OTC: variants seen among roughly 807,000 people sequenced by gnomAD.
The protein encoded by OTC is ornithine transcarbamylase.
Under a neutral mutation model 30.3 loss-of-function variants are expected in OTC, and 3 were observed. The observed-to-expected ratio is 0.10, with a 90% confidence interval of 0.05 to 0.26. The LOEUF is 0.26. Among genes scored for constraint, OTC ranks in the 10% least tolerant of loss-of-function variants. OTC has a pLI of 1.00. For missense variants in OTC, 194 were observed against 260.3 expected (o/e 0.75, Z 1.75); for synonymous variants, 111 against 99.7 (o/e 1.11, Z -0.67).
At chrX:38,365,953 G>A (rs1173655081) in intron 1 of OTC, among the ~76,000 whole-genome samples, 2 of 112,324 alleles carry the variant, frequency 1.8e-5, no homozygotes, top group Non-Finnish European at 3.8e-5. Context: ...TCCCTTGGAT[G>A]CCAGAGGAAA....
intron 1 of OTC, among the ~76,000 whole-genome samples, chrX:38,354,059 T>G (rs759557886): frequency 8.9e-6 from 1 of 112,156 alleles, no homozygotes; most frequent in South Asian, 3.7e-4. Context: ...TCTGCAATGT[T>G]GTTTCACCTA....
At chrX:38,413,458 T>C (rs929781431) in intron 9 of OTC, among the ~76,000 whole-genome samples, 1 of 111,241 alleles carries the variant, frequency 9.0e-6, no homozygotes, top group Non-Finnish European at 1.9e-5. Context: ...AAATTTGTCA[T>C]ATCTAATAAC....
At chrX:38,402,186 A>C (rs905505857) in intron 5 of OTC, among the ~76,000 whole-genome samples, 3 of 112,426 alleles carry the variant, frequency 2.7e-5, no homozygotes, top group Non-Finnish European at 5.6e-5. Flanking sequence ...GGACATGAGG[A>C]TGAGATCCAT....
At chrX:38,362,500 A>G (rs1034440984) in intron 1 of OTC, among the ~76,000 whole-genome samples, 2 of 112,046 alleles carry the variant, frequency 1.8e-5, no homozygotes, top group African/African-American at 6.5e-5. Context: ...ATATTGAAAT[A>G]AAGTTTCTGT....
the OTC span, among the ~76,000 whole-genome samples, chrX:38,328,900 A>T: frequency 9.0e-6 from 1 of 111,699 alleles, no homozygotes; most frequent in African/African-American, 3.3e-5. Context: ...AGGTCTTAGA[A>T]TCAACAGGAA....
At chrX:38,388,742 A>T (rs2068417303) in intron 4 of OTC, among the ~76,000 whole-genome samples, 1 of 112,168 alleles carries the variant, frequency 8.9e-6, no homozygotes, top group South Asian at 3.7e-4. Context: ...CTCCATATAA[A>T]ACCAAATAAT....
chrX:38,358,746 C>T lies in OTC; in HGVS notation c.77+5973C>T, dbSNP rs1048685498. Among the ~76,000 whole-genome samples the T allele has an allele frequency of 1.3e-4, 14 of 108,251 alleles. No individual in the cohort carries two copies. In the East Asian group the frequency reaches 4.0e-3, roughly 31 times the overall value. The allele number at this position is 108,251 out of a possible 115,157, so 94.0% of individuals were successfully genotyped here. A position where few individuals can be genotyped will look rare whatever the true frequency, so the allele number is the denominator to read the frequency against. ...AAGTGATTCTCCTGCCTCAGCCTCC[C>T]GAGTAGCTGGGATTACAGACGTCTG... On this transcript the variant is annotated intron_variant, in intron 1 of 9. Coordinates refer to ENST00000039007, the MANE Select transcript of OTC (RefSeq NM_000531.6).
At chrX:38,329,039 A>G in the OTC span, among the ~76,000 whole-genome samples, 10 of 112,649 alleles carry the variant, frequency 8.9e-5, no homozygotes, top group East Asian at 2.5e-3. Flanking sequence ...CATAATTGTT[A>G]CTACGGGCAA....
intron 9 of OTC, among the ~76,000 whole-genome samples, chrX:38,415,415 G>T (rs915143947): frequency 1.8e-5 from 2 of 111,131 alleles, no homozygotes; most frequent in African/African-American, 6.5e-5. Flanking sequence ...ATTTAGAATG[G>T]CCTTTAGGTT....
the OTC span, among the ~76,000 whole-genome samples, chrX:38,343,346 AAC>A: frequency 1.8e-5 from 2 of 111,880 alleles, no homozygotes; most frequent in Non-Finnish European, 3.8e-5. Flanking sequence ...TCAGTCTGCT[AAC>A]AAATCTCCTT....
chrX:38,393,657 T>C (rs1279491056), intron 4 of OTC, among the ~76,000 whole-genome samples: 1 of 112,516 alleles, frequency 8.9e-6, no homozygotes, highest in African/African-American at 3.2e-5. Context: ...TAAACTCAAG[T>C]TGCTGGCCAC....
intron 4 of OTC, among the ~76,000 whole-genome samples, chrX:38,386,282 A>C (rs2147333267): frequency 9.2e-6 from 1 of 108,140 alleles, no homozygotes; most frequent in South Asian, 4.1e-4. Flanking sequence ...CAGAGGCAGG[A>C]GAATCGCTTG....
At chrX:38,419,276 G>T (rs1189280626) in intron 9 of OTC, among the ~76,000 whole-genome samples, 1 of 111,854 alleles carries the variant, frequency 8.9e-6, no homozygotes, top group African/African-American at 3.2e-5. Flanking sequence ...GTGTGATGCT[G>T]CCAGCTTTCT....
chrX:38,360,985 A>G (rs1446945737), intron 1 of OTC, among the ~76,000 whole-genome samples: 1 of 111,910 alleles, frequency 8.9e-6, no homozygotes, highest in Non-Finnish European at 1.9e-5. Context: ...CCAGTGATAA[A>G]CCCATGGGCA....
chrX:38,336,685 G>A, the OTC span, among the ~76,000 whole-genome samples: 2 of 110,268 alleles, frequency 1.8e-5, no homozygotes, highest in Admixed American at 9.8e-5. Context: ...AAAGTCCTAG[G>A]TGGGAGTATT....
At chrX:38,396,334 T>C (rs2068456885) in intron 4 of OTC, among the ~76,000 whole-genome samples, 2 of 111,638 alleles carry the variant, frequency 1.8e-5, no homozygotes, top group Admixed American at 1.9e-4. Flanking sequence ...AGCACATGAC[T>C]CATTGCAATA....
At chrX:38,345,848 G>A in the OTC span, among the ~76,000 whole-genome samples, 2 of 110,820 alleles carry the variant, frequency 1.8e-5, no homozygotes, top group South Asian at 3.8e-4. Context: ...ACCCTAAACC[G>A]TAATTTCTAC....
chrX:38,404,422 G>A (rs1396005500), intron 6 of OTC, among the ~76,000 whole-genome samples: 10 of 111,841 alleles, frequency 8.9e-5, no homozygotes, highest in Non-Finnish European at 1.7e-4. Flanking sequence ...GATAGAGGTA[G>A]GAGGGACACT....
the OTC span, among the ~76,000 whole-genome samples, chrX:38,343,743 A>G: frequency 2.7e-5 from 3 of 112,542 alleles, no homozygotes; most frequent in Non-Finnish European, 5.6e-5. Flanking sequence ...TTCAATGGAA[A>G]TGTGGTCTAT....
Sources: allele counts gnomAD v4.1 joint callset (sites outside exome capture counted in the v4.1 genomes callset), GRCh38; gene constraint gnomAD v4.1.1; transcripts MANE v1.5; gene names NCBI Gene and HGNC (gene_info 2026-07-23, HGNC 2026-07-21).